Variants in KIFC3 observed in about 807,000 individuals in gnomAD.
KIFC3 encodes the protein kinesin-like protein KIFC3.
KIFC3 carries 60 observed loss-of-function variants against 101.8 expected under a neutral mutation model. The observed-to-expected ratio is 0.59, with a 90% CI of 0.48 to 0.73. The LOEUF (loss-of-function observed/expected upper bound fraction) is 0.73. KIFC3 is among the 30% of genes least tolerant of loss of function. The pLI is 0.00. For synonymous variants in KIFC3, 476 were observed against 482.7 expected (o/e 0.99, Z 0.18); for missense variants, 966 against 1,137.1 (o/e 0.85, Z 2.16).
chr16:57,770,215 CCT>C (rs1217914755), intron 7 of KIFC3, among the ~76,000 whole-genome samples: 1 of 152,250 alleles, frequency 6.6e-6, no homozygotes, highest in African/African-American at 2.4e-5. Context: ...TAGGAGAGGG[CCT>C]CTGTGATGAC....
Position 57,802,286 on chromosome 16 carries a change from G to C in KIFC3, c.-40+84C>G. Reference sequence around the variant, plus strand: ...GCAGAGGGGTCCCGAGGGCAGGGCCGGCCCGGACGCGGCGCCCCAAACGGC... The same window carrying C: ...GCAGAGGGGTCCCGAGGGCAGGGCCCGCCCGGACGCGGCGCCCCAAACGGC... On this transcript the variant is annotated intron_variant, in intron 1 of 19. Transcript: ENST00000445690. The surrounding 1 kb of genome is among the most constrained non-coding windows in gnomAD (Gnocchi z 5.0). The C allele has an allele frequency of 1.4e-6, 1 of 739,124 alleles. No homozygotes were observed. Among genetic ancestry groups the C allele is most frequent in the Non-Finnish European group, 1.7e-6 (1 of 604,920 alleles). 45.8% of individuals were successfully genotyped at this position (739,124 alleles called of 1,614,324 possible).
chr16:57,793,935 G>A (rs573237975), intron 3 of KIFC3, among the ~76,000 whole-genome samples: 2 of 152,332 alleles, frequency 1.3e-5, no homozygotes, highest in African/African-American at 4.8e-5. Context: ...AGGACTAAGA[G>A]AGGCAGTTTC....
chr16:57,831,304 A>G (rs921224848), intron 1 of KIFC3, among the ~76,000 whole-genome samples: 1 of 152,208 alleles, frequency 6.6e-6, no homozygotes, highest in Non-Finnish European at 1.5e-5. Flanking sequence ...GACTCTTCCA[A>G]TAATAGCAAC....
At chr16:57,794,378 T>C (rs1277225258) in intron 3 of KIFC3, among the ~76,000 whole-genome samples, 1 of 151,634 alleles carries the variant, frequency 6.6e-6, no homozygotes, top group African/African-American at 2.4e-5. Flanking sequence ...GGAACCACCA[T>C]GCCCAGCTAA....
chr16:57,861,125 C>T (rs2149342052), intron 1 of KIFC3, among the ~76,000 whole-genome samples: 1 of 152,330 alleles, frequency 6.6e-6, no homozygotes, highest in South Asian at 2.1e-4. Context: ...TGTTATTTTC[C>T]TATGCTACTA....
intron 1 of KIFC3, among the ~76,000 whole-genome samples, chr16:57,826,733 G>T (rs2055464465): frequency 6.6e-6 from 1 of 152,174 alleles, no homozygotes; most frequent in Non-Finnish European, 1.5e-5. Context: ...TTTTGATTTG[G>T]TCATCACAGA....
chr16:57,796,214 C>G (rs2054308386), intron 2 of KIFC3, among the ~76,000 whole-genome samples: 1 of 152,154 alleles, frequency 6.6e-6, no homozygotes, highest in Admixed American at 6.6e-5. Context: ...TCTTGGTCCT[C>G]AGTTTGCTTG....
At position 57,764,293 on chromosome 16, in the gene KIFC3, C is replaced by T. The variant is rs781957792; in HGVS notation, c.1513-46G>A. 21 of 1,204,038 alleles carry T rather than the reference C, an allele frequency of 1.7e-5. No homozygotes were observed. In the African/African-American group the frequency reaches 1.8e-4, roughly 10 times the overall value. 74.6% of individuals were successfully genotyped at this position (1,204,038 alleles called of 1,614,324 possible). A position where few individuals can be genotyped will look rare whatever the true frequency, so the allele number is the denominator to read the frequency against. The stretch of plus-strand genomic sequence containing the variant: ...AGGCTGGTGGGGGGGCTTCCAGGGC[C>T]GCTGGGACCACCAGCTACAAGTCCA... On this transcript the variant is annotated intron_variant, in intron 11 of 19. Transcript: ENST00000445690.
chr16:57,783,396 A>G (rs1403998153), intron 3 of KIFC3, among the ~76,000 whole-genome samples: 1 of 151,710 alleles, frequency 6.6e-6, no homozygotes, highest in African/African-American at 2.4e-5. Context: ...CTTACCACCG[A>G]CCACCGAATT....
intron 1 of KIFC3, among the ~76,000 whole-genome samples, chr16:57,843,484 C>A (rs1482206410): frequency 2.0e-5 from 3 of 152,196 alleles, no homozygotes; most frequent in African/African-American, 7.2e-5. Flanking sequence ...ACTGATGGCG[C>A]TGGGTTCTGA....
At chr16:57,856,136 C>T (rs910224532) in intron 1 of KIFC3, among the ~76,000 whole-genome samples, 69 of 150,228 alleles carry the variant, frequency 4.6e-4, no homozygotes, top group African/African-American at 1.5e-3. Context: ...CCAGCCTGGG[C>T]AACATAGCAA....
At chr16:57,762,394 T>A in intron 12 of KIFC3, 124 bp from the exon 13 acceptor site, 1 of 995,050 alleles carries the variant, frequency 1.0e-6, no homozygotes, top group Non-Finnish European at 1.4e-6. Flanking sequence ...AGCTCTTACC[T>A]ACCTGCCACT....
chr16:57,758,724 G>A lies in KIFC3; in HGVS notation c.*210C>T, dbSNP rs1211765971. 1 of 840,480 alleles carries A rather than the reference G, an allele frequency of 1.2e-6. No homozygotes were observed. The highest frequency in any genetic ancestry group is 2.0e-6 in the Non-Finnish European group (1 of 504,712). The allele number at this position is 840,480 out of a possible 1,614,324, so 52.1% of individuals were successfully genotyped here. On this transcript the variant is annotated 3_prime_UTR_variant, in exon 20 of 20. Coordinates refer to ENST00000445690, the MANE Select transcript of KIFC3 (RefSeq NM_001130100.2). ...CATGCAATTTGCACTCAGAGCCACA[G>A]CCGAGAGACACCGTTTCCTTCTGAA...
intron 3 of KIFC3, among the ~76,000 whole-genome samples, chr16:57,789,666 G>A (rs577598904): frequency 6.6e-6 from 1 of 152,370 alleles, no homozygotes; most frequent in South Asian, 2.1e-4. Flanking sequence ...TACATTTCAT[G>A]TTGAACCTCT....
chr16:57,786,207 C>T (rs2053304575), intron 3 of KIFC3, among the ~76,000 whole-genome samples: 1 of 152,120 alleles, frequency 6.6e-6, no homozygotes, highest in Admixed American at 6.5e-5. Context: ...AAAGCCAGCC[C>T]CACACATGGA....
At chr16:57,782,046 TGC>T (rs2052801145) in intron 3 of KIFC3, 3 of 985,324 alleles carry the variant, frequency 3.0e-6, no homozygotes, top group Non-Finnish European at 3.6e-6. Context: ...TGGCGGGCTT[TGC>T]TTAGAGAGGC....
Position 57,760,783 on chromosome 16 carries a change from G to A in KIFC3, c.2175C>T (p.Leu725=). 6.2e-7 allele frequency: 1 copy of A among 1,613,902 alleles called. No homozygotes were observed. Among genetic ancestry groups the A allele is most frequent in the Non-Finnish European group, 8.5e-7 (1 of 1,180,018 alleles). Reference sequence around the variant, plus strand: ...TAAGCGAATCCTGCAGCAGGTAGGTGAGCTTGGAGTTGCGGAAGGGCACGT... The same window carrying A: ...TAAGCGAATCCTGCAGCAGGTAGGTAAGCTTGGAGTTGCGGAAGGGCACGT... ...QGHVPFRNSK[L]TYLLQDSLSG... Residue 725 remains leucine (L), a synonymous_variant, in exon 16 of 20, where the codon CTC becomes CTT. Coordinates refer to ENST00000445690, the MANE Select transcript of KIFC3 (RefSeq NM_001130100.2).
In KIFC3 at chr16:57,770,607, C is replaced by T; in HGVS notation, c.859G>A (p.Ala287Thr). Reference sequence around the variant, plus strand: ...TCCTTCAGCACCTGCCTCTGCATAGCCACCTGCTCCTGCAGGTGCTGGTTC... The same window carrying T: ...TCCTTCAGCACCTGCCTCTGCATAGTCACCTGCTCCTGCAGGTGCTGGTTC... ...ARNQHLQEQV[A>T]MQRQVLKEME... The change falls in exon 7 of 20, where the codon GCT becomes ACT. Residue 287 changes from alanine (A) to threonine (T), a missense_variant. Physicochemically the swap from Ala to Thr is moderately conservative, Grantham distance 58. Around this residue, in one of 2 missense-constraint regions of KIFC3, gnomAD observed 689 missense variants for 884.6 expected, o/e 0.78. Transcript: ENST00000445690. 1 of 1,542,070 alleles carries T rather than the reference C, an allele frequency of 6.5e-7. No homozygotes were observed. The highest frequency in any genetic ancestry group is 8.7e-7 in the Non-Finnish European group (1 of 1,142,974).
At chr16:57,762,722 C>T (rs573922789) in intron 12 of KIFC3, among the ~76,000 whole-genome samples, 81 of 152,262 alleles carry the variant, frequency 5.3e-4, no homozygotes, top group Non-Finnish European at 1.0e-3. Context: ...TGGGGAAGGA[C>T]GGGTGGGCCG....
Sources: allele counts gnomAD v4.1 joint callset (sites outside exome capture counted in the v4.1 genomes callset), GRCh38; gene constraint gnomAD v4.1.1; regional missense constraint gnomAD v4.1.1; non-coding constraint Gnocchi (gnomAD v3.1); transcripts MANE v1.5; gene names NCBI Gene and HGNC (gene_info 2026-07-23, HGNC 2026-07-21).